Variants in LAMA1 observed in about 807,000 individuals in gnomAD.
LAMA1 encodes laminin subunit alpha-1.
In LAMA1, 219 loss-of-function variants were observed where a neutral mutation model predicts 348.7. That is an observed-to-expected ratio of 0.63 (90% CI 0.56 to 0.70). The LOEUF is 0.70. LAMA1 is among the 30% of genes least tolerant of loss of function. The probability of loss-of-function intolerance (pLI) is 0.00; values close to 1 mark genes in which losing one functional copy is unlikely to be tolerated. For synonymous variants in LAMA1, 1,487 were observed against 1,491.0 expected (o/e 1.00, Z 0.06); for missense variants, 3,744 against 3,888.0 (o/e 0.96, Z 0.99).
intron 30 of LAMA1, among the ~76,000 whole-genome samples, chr18:7,001,004 C>T (rs184944085): frequency 2.2e-4 from 34 of 152,250 alleles, no homozygotes; most frequent in African/African-American, 7.7e-4. Flanking sequence ...TGTTTATAAC[C>T]TTTTTATGAT....
intron 62 of LAMA1, 92 bp from the exon 63 acceptor site, chr18:6,942,331 T>G (rs2057502488): frequency 7.5e-7 from 1 of 1,338,274 alleles, no homozygotes; most frequent in Non-Finnish European, 1.0e-6. Context: ...TCAAGCGGGT[T>G]TTTTTATTTT....
At chr18:7,060,415 G>A (rs1405710288) in intron 3 of LAMA1, among the ~76,000 whole-genome samples, 1 of 152,136 alleles carries the variant, frequency 6.6e-6, no homozygotes, top group East Asian at 1.9e-4. Context: ...ATATGTCCTT[G>A]TCCAGTAACT....
At position 7,008,623 on chromosome 18, in the gene LAMA1, T is replaced by G. The variant is rs202238036; in HGVS notation, c.4002-15A>C. On this transcript the variant is annotated splice_polypyrimidine_tract_variant and intron_variant, in intron 27 of 62. Coordinates refer to ENST00000389658, the MANE Select transcript of LAMA1 (RefSeq NM_005559.4). ...TGTCTGAGATTCTGTGCAGCCATCA[T>G]GTTAAGAGAGGAAACGCTAACATTT... 7 of 1,613,746 alleles carry G rather than the reference T, an allele frequency of 4.3e-6. No individual in the cohort carries two copies. The East Asian group carries it at 1.6e-4, about 36-fold the overall frequency.
chr18:7,003,063 T>C (rs2057815183), intron 29 of LAMA1, among the ~76,000 whole-genome samples: 1 of 151,878 alleles, frequency 6.6e-6, no homozygotes, highest in South Asian at 2.1e-4. Flanking sequence ...AACTTTTTTG[T>C]ACAGGTAGGG....
intron 9 of LAMA1, 107 bp from the exon 10 acceptor site, chr18:7,040,343 T>C: frequency 8.4e-7 from 1 of 1,188,652 alleles, no homozygotes; most frequent in South Asian, 1.2e-5. Flanking sequence ...ATTTTAGGCT[T>C]TTTGGCCTCA....
At chr18:6,959,597 T>A in intron 53 of LAMA1, 105 bp from the exon 54 acceptor site, 1 of 1,164,532 alleles carries the variant, frequency 8.6e-7, no homozygotes. Context: ...ATCAAGTGAG[T>A]AGAGCAATTC....
intron 5 of LAMA1, among the ~76,000 whole-genome samples, chr18:7,048,123 T>C (rs908032062): frequency 1.3e-4 from 20 of 152,200 alleles, no homozygotes; most frequent in African/African-American, 4.6e-4. Context: ...TATACATATC[T>C]GATGAAGGAT....
intron 4 of LAMA1, 85 bp downstream of exon 4, chr18:7,050,609 T>C: frequency 6.3e-7 from 1 of 1,586,322 alleles, no homozygotes; most frequent in Non-Finnish European, 8.6e-7. Context: ...TAAAGATCTT[T>C]GTATTGAGAG....
At chr18:7,058,121 T>A (rs116493313) in intron 3 of LAMA1, among the ~76,000 whole-genome samples, 2,367 of 152,142 alleles carry the variant, frequency 0.016, 63 homozygotes, top group African/African-American at 0.054. Flanking sequence ...ATTATTTCAA[T>A]ACCATGTTCC....
At chr18:7,070,280 A>C (rs2058140454) in intron 3 of LAMA1, among the ~76,000 whole-genome samples, 1 of 152,220 alleles carries the variant, frequency 6.6e-6, no homozygotes, top group South Asian at 2.1e-4. Flanking sequence ...ATTAGAGTAC[A>C]AAAAGCATAC....
At position 6,947,305 on chromosome 18, in the gene LAMA1, C is replaced by T. The variant is rs2057526476; in HGVS notation, c.8711-9G>A. 1 of 1,613,272 alleles carries T rather than the reference C, an allele frequency of 6.2e-7. No homozygotes were observed. Among genetic ancestry groups the T allele is most frequent in the African/African-American group, 1.3e-5 (1 of 74,914 alleles). ...TTTGTAGCCCTCTTTGACTGTAACACACAAGGAGGACCCAAGTCAGGGTGA... is the reference window on the plus strand; with the variant it reads ...TTTGTAGCCCTCTTTGACTGTAACATACAAGGAGGACCCAAGTCAGGGTGA... On this transcript the variant is annotated splice_polypyrimidine_tract_variant and intron_variant, in intron 60 of 62. Coordinates refer to ENST00000389658, the MANE Select transcript of LAMA1 (RefSeq NM_005559.4).
At position 7,034,499 on chromosome 18, in the gene LAMA1, A is replaced by T. The variant is rs766728752; in HGVS notation, c.2031T>A (p.Ser677=). The change falls in exon 14 of 63, where the codon TCT becomes TCA. Residue 677 remains serine, a synonymous_variant. Transcript: ENST00000389658. ...THLLIRANYN[S]AKMALYRLES... The stretch of plus-strand genomic sequence containing the variant: ...CATACCTGTAAAGAGCCATTTTTGC[A>T]GAATTGTAGTTGGCTCTGATCAAAA... 1.9e-6 allele frequency: 3 copies of T among 1,614,094 alleles called. No homozygotes were observed. The Admixed American group carries it at 5.0e-5, about 27-fold the overall frequency.
At chr18:7,034,398 G>A (rs2057984812) in intron 14 of LAMA1, 81 bp downstream of exon 14, 2 of 1,014,482 alleles carry the variant, frequency 2.0e-6, no homozygotes, top group East Asian at 5.1e-5. Flanking sequence ...AAAATACGTT[G>A]AGCTTTAAAT....
chr18:7,102,250 T>C (rs2058294079), intron 1 of LAMA1, among the ~76,000 whole-genome samples: 1 of 152,158 alleles, frequency 6.6e-6, no homozygotes, highest in African/African-American at 2.4e-5. Context: ...TTCTTTTGTT[T>C]AGTAATAAGT....
chr18:6,990,792 A>G (rs1465879171), intron 36 of LAMA1, among the ~76,000 whole-genome samples: 1 of 151,866 alleles, frequency 6.6e-6, no homozygotes, highest in Non-Finnish European at 1.5e-5. Flanking sequence ...TGGGTCTCAA[A>G]TGGTACTTCC....
At chr18:7,084,072 C>CATAAA (rs2058204823) in intron 1 of LAMA1, among the ~76,000 whole-genome samples, 1 of 38,460 alleles carries the variant, frequency 2.6e-5, no homozygotes. Context: ...GATTCTGTCT[C>CATAAA]AGAAAAAAAA....
chr18:7,007,321 T>G, intron 28 of LAMA1, 45 bp from the exon 29 acceptor site: 3 of 1,588,722 alleles, frequency 1.9e-6, no homozygotes, highest in Non-Finnish European at 2.6e-6. Flanking sequence ...GATTAATGAG[T>G]GAGTGAAGGA....
chr18:6,949,359 A>G (rs985959685), intron 58 of LAMA1, 100 bp from the exon 59 acceptor site: 16 of 1,172,348 alleles, frequency 1.4e-5, no homozygotes, highest in Admixed American at 1.3e-4. Flanking sequence ...TCTGAGAGCT[A>G]TAACAACCTG....
intron 44 of LAMA1, 140 bp downstream of exon 44, chr18:6,977,587 A>T (rs942646834): frequency 1.1e-6 from 1 of 882,636 alleles, no homozygotes; most frequent in Non-Finnish European, 1.7e-6. Flanking sequence ...CAGGGCTATG[A>T]GGAAGCCCAG....
Sources: allele counts gnomAD v4.1 joint callset (sites outside exome capture counted in the v4.1 genomes callset), GRCh38; gene constraint gnomAD v4.1.1; transcripts MANE v1.5; gene names NCBI Gene and HGNC (gene_info 2026-07-23, HGNC 2026-07-21).